Variants in IFNAR1 observed in about 807,000 individuals in gnomAD.
IFNAR1 encodes interferon alpha and beta receptor subunit 1.
IFNAR1 carries 47 observed loss-of-function variants against 62.1 expected under a neutral mutation model. That is an observed-to-expected ratio of 0.76 (90% CI 0.60 to 0.97). The LOEUF (loss-of-function observed/expected upper bound fraction) is 0.97. Among genes scored for constraint, IFNAR1 ranks in the 50% least tolerant of loss-of-function variants. IFNAR1 has a pLI of 0.00. For synonymous variants in IFNAR1, 219 were observed against 226.9 expected, an observed-to-expected ratio of 0.97 and a Z score of 0.31; for missense variants, 638 against 654.5, an observed-to-expected ratio of 0.97 and a Z score of 0.27.
At chr21:33,336,665 A>G (rs2083239735) in intron 2 of IFNAR1, among the ~76,000 whole-genome samples, 1 of 151,766 alleles carries the variant, frequency 6.6e-6, no homozygotes, top group South Asian at 2.1e-4. Flanking sequence ...TCCATCGAAG[A>G]CCTTGGAATA....
intron 8 of IFNAR1, among the ~76,000 whole-genome samples, chr21:33,350,722 C>G (rs2083390219): frequency 6.6e-6 from 1 of 152,156 alleles, no homozygotes; most frequent in South Asian, 2.1e-4. Flanking sequence ...GAAATCTAAG[C>G]AAATTCCATT....
At chr21:33,340,596 G>C (rs551056994) in intron 2 of IFNAR1, among the ~76,000 whole-genome samples, 102 of 151,732 alleles carry the variant, frequency 6.7e-4, no homozygotes, top group Non-Finnish European at 1.0e-3. Context: ...CTTTCAATAA[G>C]GAAGATAAGA....
At position 33,349,291 on chromosome 21, in the gene IFNAR1, G is replaced by T. The variant is rs372228069; in HGVS notation, c.988+1G>T. The stretch of plus-strand genomic sequence containing the variant: ...ATAAAGTTTGATACTGAAATACAAG[G>T]TAAGGCAGTAGTTTTTACTGGAGAT... On this transcript the variant is annotated splice_donor_variant, in intron 7 of 10. Coordinates refer to ENST00000270139, the MANE Select transcript of IFNAR1 (RefSeq NM_000629.3). LOFTEE classifies it high-confidence loss of function. 3 of 1,591,508 alleles carry T rather than the reference G, an allele frequency of 1.9e-6. No individual in the cohort carries two copies. Among genetic ancestry groups the T allele is most frequent in the Non-Finnish European group, 2.6e-6 (3 of 1,166,802 alleles).
rs185748118 is a variant in IFNAR1 at position 33,333,647 on chromosome 21, G to A, written c.77-1877G>A. ...TTTTCTTTTTTTTTTTTTTTGAGAC[G>A]GAGTCTCGCTCTGTTGCCCAGGCTG... is the stretch of plus-strand genomic sequence containing the variant. On this transcript the variant is annotated intron_variant, in intron 1 of 10. Transcript: ENST00000270139. Among the ~76,000 whole-genome samples, 1,157 of 119,058 alleles carry A rather than the reference G, an allele frequency of 9.7e-3. 47 individuals carry two copies. Among genetic ancestry groups the A allele is most frequent in the Admixed American group, 0.072 (936 of 12,934 alleles). 78.1% of individuals were successfully genotyped at this position (119,058 alleles called of 152,430 possible).
rs533599395 is a variant in IFNAR1 at position 33,357,171 on chromosome 21, G to T, written c.*1622G>T. On this transcript the variant is annotated 3_prime_UTR_variant, in exon 11 of 11. Transcript: ENST00000270139. ...TCTAGGGCAGTGTTCTCACAGCACC[G>T]TTCCGACAGGGACCAGTGAAAGAAA... 6.6e-6 allele frequency: 1 copy of T among 152,228 alleles called. No homozygotes were observed. The highest frequency in any genetic ancestry group is 2.1e-4 in the South Asian group (1 of 4,826). The allele number at this position is 152,228 out of a possible 1,614,324, so 9.4% of individuals were successfully genotyped here. A position where few individuals can be genotyped will look rare whatever the true frequency, so the allele number is the denominator to read the frequency against.
chr21:33,341,233 C>G, intron 3 of IFNAR1, 59 bp downstream of exon 3: 1 of 1,316,776 alleles, frequency 7.6e-7, no homozygotes, highest in East Asian at 2.3e-5. Flanking sequence ...GAGCAGTTCA[C>G]TTTCCAAGCC....
intron 6 of IFNAR1, among the ~76,000 whole-genome samples, chr21:33,347,329 C>T (rs1188516727): frequency 6.6e-6 from 1 of 152,090 alleles, no homozygotes; most frequent in South Asian, 2.1e-4. Flanking sequence ...GGGGTTTCAC[C>T]GTATTGGCCA....
Position 33,345,467 on chromosome 21 carries a change from G to A in IFNAR1, c.788+107G>A, listed in dbSNP as rs2083336785. On this transcript the variant is annotated intron_variant, in intron 6 of 10. Coordinates refer to ENST00000270139, the MANE Select transcript of IFNAR1 (RefSeq NM_000629.3). ...TTGCACACAGAATGACCGACTGGGAGGTGGGTACGATATATTGGAAACGTG... is the reference window on the plus strand; with the variant it reads ...TTGCACACAGAATGACCGACTGGGAAGTGGGTACGATATATTGGAAACGTG... The A allele has an allele frequency of 8.5e-5, 60 of 705,416 alleles. No individual in the cohort carries two copies. The South Asian group carries it at 9.5e-4, about 11-fold the overall frequency. The allele number at this position is 705,416 out of a possible 1,614,324, so 43.7% of individuals were successfully genotyped here. A position where few individuals can be genotyped will look rare whatever the true frequency, so the allele number is the denominator to read the frequency against.
At chr21:33,329,757 A>G (rs905958403) in intron 1 of IFNAR1, among the ~76,000 whole-genome samples, 2 of 152,248 alleles carry the variant, frequency 1.3e-5, no homozygotes, top group African/African-American at 4.8e-5. Flanking sequence ...ATGCACCATT[A>G]TGCTGGATAC....
At chr21:33,340,448 C>A (rs564518093) in intron 2 of IFNAR1, among the ~76,000 whole-genome samples, 1 of 152,040 alleles carries the variant, frequency 6.6e-6, no homozygotes, top group South Asian at 2.1e-4. Flanking sequence ...AGCCTTGAAC[C>A]CCTATGCTCA....
chr21:33,353,859 T>G, intron 10 of IFNAR1, 76 bp downstream of exon 10: 1 of 989,956 alleles, frequency 1.0e-6, no homozygotes, highest in South Asian at 1.5e-5. Context: ...ACAGGATATA[T>G]GTAGGTTTTC....
chr21:33,348,020 G>A (rs1410197508), intron 6 of IFNAR1, among the ~76,000 whole-genome samples: 1 of 152,192 alleles, frequency 6.6e-6, no homozygotes, highest in Non-Finnish European at 1.5e-5. Context: ...ATGGTATGTG[G>A]GAGAGTGGAC....
chr21:33,339,653 G>A (rs886607517), intron 2 of IFNAR1, among the ~76,000 whole-genome samples: 1 of 152,110 alleles, frequency 6.6e-6, no homozygotes, highest in Non-Finnish European at 1.5e-5. Context: ...CGGGCATGGT[G>A]GCTCACGCCT....
intron 2 of IFNAR1, among the ~76,000 whole-genome samples, chr21:33,337,366 A>C (rs889506002): frequency 6.6e-6 from 1 of 152,086 alleles, no homozygotes; most frequent in Non-Finnish European, 1.5e-5. Flanking sequence ...AGAAGGAGGA[A>C]TATAGAAGGG....
Position 33,349,195 on chromosome 21 carries a change from T to A in IFNAR1, c.893T>A (p.Phe298Tyr). The change falls in exon 7 of 11, where the codon TTC (phenylalanine) becomes TAC (tyrosine). Residue 298 changes from phenylalanine to tyrosine, a missense_variant. Transcript: ENST00000270139. ...CAGTGTGTCTTTCCTCAAAACGTTT[T>A]CCAAAAAGGAATTTACCTTCTCCGC... is the stretch of plus-strand genomic sequence containing the variant. ...TTQCVFPQNV[F>Y]QKGIYLLRVQ... 1 of 1,613,406 alleles carries A rather than the reference T, an allele frequency of 6.2e-7. No individual in the cohort carries two copies. Among genetic ancestry groups the A allele is most frequent in the East Asian group, 2.2e-5 (1 of 44,846 alleles).
intron 2 of IFNAR1, among the ~76,000 whole-genome samples, chr21:33,338,315 C>A (rs1303837332): frequency 2.0e-5 from 3 of 152,054 alleles, no homozygotes; most frequent in Non-Finnish European, 4.4e-5. Flanking sequence ...GGTGGATCAC[C>A]TGAAGTCAGG....
chr21:33,357,528 C>CTTTTTTTTTTTTTTT lies in IFNAR1; in HGVS notation c.*1980_*1981insTTTTTTTTTTTTTTT, dbSNP rs2083459579. On this transcript the variant is annotated 3_prime_UTR_variant, in exon 11 of 11. Coordinates refer to ENST00000270139, the MANE Select transcript of IFNAR1 (RefSeq NM_000629.3). Reference sequence around the variant, plus strand: ...ACATTTTCATCTTTCTGACCAGAGGCTGTTTTTTTTTTTTTTTGAGACAGT... The same window carrying CTTTTTTTTTTTTTTT: ...ACATTTTCATCTTTCTGACCAGAGGCTTTTTTTTTTTTTTTTGTTTTTTTTTTTTTTTGAGACAGT... The CTTTTTTTTTTTTTTT allele has an allele frequency of 7.3e-6, 1 of 136,114 alleles. No individual in the cohort carries two copies. Among genetic ancestry groups the CTTTTTTTTTTTTTTT allele is most frequent in the African/African-American group, 3.2e-5 (1 of 31,222 alleles). The allele number at this position is 136,114 out of a possible 1,614,324, so 8.4% of individuals were successfully genotyped here.
intron 1 of IFNAR1, among the ~76,000 whole-genome samples, chr21:33,328,499 G>A (rs1351586195): frequency 4.6e-5 from 7 of 152,180 alleles, no homozygotes; most frequent in South Asian, 2.1e-4. Flanking sequence ...TTTGGTTTAC[G>A]TAACTATCTA....
chr21:33,339,854 G>A (rs1011368169), intron 2 of IFNAR1, among the ~76,000 whole-genome samples: 20 of 149,560 alleles, frequency 1.3e-4, no homozygotes, highest in African/African-American at 4.7e-4. Context: ...CTTGAACCTA[G>A]GAAGTGGAGG....
Sources: gnomAD v4.1 joint callset for allele counts (sites outside exome capture counted in the v4.1 genomes callset) on GRCh38, gnomAD v4.1.1 for gene constraint, MANE v1.5 for transcripts, NCBI Gene and HGNC (gene_info 2026-07-23, HGNC 2026-07-21) for gene names.